SLC17A6: variants seen among roughly 807,000 people sequenced by gnomAD.
The protein encoded by SLC17A6 is solute carrier family 17 member 6.
Under a neutral mutation model 67.1 loss-of-function variants are expected in SLC17A6, and 35 were observed. The ratio of observed to expected loss-of-function variants is 0.52; its 90% confidence interval spans 0.40 to 0.69. The LOEUF (loss-of-function observed/expected upper bound fraction) is 0.69. Among genes scored for constraint, SLC17A6 ranks in the 30% least tolerant of loss-of-function variants. The pLI is 0.00. For missense variants in SLC17A6, 588 were observed against 723.9 expected (o/e 0.81, Z 2.15); for synonymous variants, 285 against 252.3 (o/e 1.13, Z -1.23).
intron 3 of SLC17A6, among the ~76,000 whole-genome samples, chr11:22,347,079 C>A (rs1186519114): frequency 1.3e-5 from 2 of 151,706 alleles, no homozygotes; most frequent in Non-Finnish European, 2.9e-5. Flanking sequence ...TTATCACCAC[C>A]TGTCATATCA....
At chr11:22,368,998 A>G (rs192364020) in intron 7 of SLC17A6, among the ~76,000 whole-genome samples, 4 of 152,022 alleles carry the variant, frequency 2.6e-5, no homozygotes, top group Non-Finnish European at 5.9e-5. Flanking sequence ...GCCACAACCA[A>G]TACTAGCAAT....
intron 1 of SLC17A6, among the ~76,000 whole-genome samples, chr11:22,339,168 A>ATATATATATGT (rs1855781315): frequency 1.7e-5 from 1 of 59,250 alleles, no homozygotes; most frequent in African/African-American, 7.2e-5. Context: ...TATATATGTT[A>ATATATATATGT]TATATATATG....
chr11:22,343,080 G>C (rs1197847061), intron 2 of SLC17A6, 167 bp from the exon 3 acceptor site: 19 of 701,492 alleles, frequency 2.7e-5, no homozygotes, highest in Admixed American at 1.2e-4. Flanking sequence ...GGGTTTTTTC[G>C]TTGCAAGAGG....
At chr11:22,356,451 T>C (rs1855994045) in intron 3 of SLC17A6, among the ~76,000 whole-genome samples, 1 of 152,218 alleles carries the variant, frequency 6.6e-6, no homozygotes, top group Non-Finnish European at 1.5e-5. Context: ...AGATGAGATT[T>C]GTAAAGTTTG....
At chr11:22,343,562 G>C (rs1020207957) in intron 3 of SLC17A6, among the ~76,000 whole-genome samples, 197 bp downstream of exon 3, 2 of 152,144 alleles carry the variant, frequency 1.3e-5, no homozygotes, top group Non-Finnish European at 2.9e-5. Flanking sequence ...ACGAATGTAG[G>C]CTCTCTGGGA....
At position 22,377,917 on chromosome 11, in the gene SLC17A6, T is replaced by C; in HGVS notation, c.*177T>C. 1 of 562,222 alleles carries C rather than the reference T, an allele frequency of 1.8e-6. No homozygotes were observed. 34.8% of individuals were successfully genotyped at this position (562,222 alleles called of 1,614,324 possible). On this transcript the variant is annotated 3_prime_UTR_variant, in exon 12 of 12. Coordinates refer to ENST00000263160, the MANE Select transcript of SLC17A6 (RefSeq NM_020346.3). ...CCATCAAGTGCAATCTGTAAAATTGTGAAGTTCCATCATTTCCATTCAAGT... is the reference window on the plus strand; with the variant it reads ...CCATCAAGTGCAATCTGTAAAATTGCGAAGTTCCATCATTTCCATTCAAGT...
chr11:22,372,648 C>T (rs1009373487), intron 8 of SLC17A6, among the ~76,000 whole-genome samples: 3 of 151,942 alleles, frequency 2.0e-5, no homozygotes, highest in African/African-American at 7.2e-5. Flanking sequence ...GGAAGACATA[C>T]GATCTAGACT....
At chr11:22,338,805 C>A (rs994961090) in intron 1 of SLC17A6, among the ~76,000 whole-genome samples, 186 bp downstream of exon 1, 1 of 132,436 alleles carries the variant, frequency 7.6e-6, no homozygotes, top group East Asian at 2.3e-4. Context: ...ACTAAATGAA[C>A]CTGTCTGGTG....
chr11:22,338,443 C>A lies in SLC17A6; in HGVS notation c.-91C>A. 1 of 937,258 alleles carries A rather than the reference C, an allele frequency of 1.1e-6. No individual in the cohort carries two copies. Among genetic ancestry groups the A allele is most frequent in the Non-Finnish European group, 1.7e-6 (1 of 590,386 alleles). The allele number at this position is 937,258 out of a possible 1,614,324, so 58.1% of individuals were successfully genotyped here. The stretch of plus-strand genomic sequence containing the variant: ...GCTGAGAAGGAAAAGCCCGCAACTA[C>A]TTTAAGAGATTAAGACAATATGCGC... On this transcript the variant is annotated 5_prime_UTR_variant, in exon 1 of 12. Coordinates refer to ENST00000263160, the MANE Select transcript of SLC17A6 (RefSeq NM_020346.3).
chr11:22,342,909 T>C, intron 2 of SLC17A6: 1 of 475,386 alleles, frequency 2.1e-6, no homozygotes, highest in Non-Finnish European at 4.2e-6. Flanking sequence ...CGTCTCCACA[T>C]CTGGCTAACA....
At chr11:22,346,372 C>T (rs1013625450) in intron 3 of SLC17A6, among the ~76,000 whole-genome samples, 3 of 152,180 alleles carry the variant, frequency 2.0e-5, no homozygotes, top group African/African-American at 7.2e-5. Context: ...ACAATGCAGA[C>T]TCCTGGTTCT....
At chr11:22,346,490 A>G (rs1045117927) in intron 3 of SLC17A6, among the ~76,000 whole-genome samples, 2 of 152,166 alleles carry the variant, frequency 1.3e-5, no homozygotes, top group Admixed American at 6.5e-5. Context: ...TGGCTCTTGC[A>G]TCACTTTTTC....
chr11:22,339,167 T>C (rs1194139372), intron 1 of SLC17A6, among the ~76,000 whole-genome samples: 1 of 59,164 alleles, frequency 1.7e-5, no homozygotes, highest in Non-Finnish European at 2.9e-5. Flanking sequence ...ATATATATGT[T>C]ATATATATAT....
At chr11:22,357,219 G>A (rs1856001366) in intron 3 of SLC17A6, among the ~76,000 whole-genome samples, 1 of 152,162 alleles carries the variant, frequency 6.6e-6, no homozygotes, top group East Asian at 1.9e-4. Context: ...TGTTTTAATG[G>A]ATATATGGTA....
intron 5 of SLC17A6, 79 bp downstream of exon 5, chr11:22,361,063 C>A: frequency 8.2e-7 from 1 of 1,220,022 alleles, no homozygotes. Context: ...ATTTGGTAAA[C>A]TCACCTGTAA....
chr11:22,344,688 A>C (rs1402936987), intron 3 of SLC17A6, among the ~76,000 whole-genome samples: 1 of 152,218 alleles, frequency 6.6e-6, no homozygotes, highest in Admixed American at 6.5e-5. Flanking sequence ...TATGTACCAC[A>C]TTTTATTTAT....
intron 1 of SLC17A6, among the ~76,000 whole-genome samples, chr11:22,340,865 T>C (rs895963252): frequency 6.6e-6 from 1 of 152,094 alleles, no homozygotes; most frequent in African/African-American, 2.4e-5. Flanking sequence ...CAGCGAGAGC[T>C]CTCAGGCCTT....
chr11:22,347,982 G>A (rs1855896941), intron 3 of SLC17A6, among the ~76,000 whole-genome samples: 1 of 152,088 alleles, frequency 6.6e-6, no homozygotes, highest in Non-Finnish European at 1.5e-5. Flanking sequence ...AAGACACTTA[G>A]GATCACACTT....
intron 3 of SLC17A6, among the ~76,000 whole-genome samples, chr11:22,345,982 G>A (rs1296807698): frequency 6.6e-5 from 10 of 152,088 alleles, no homozygotes; most frequent in Non-Finnish European, 1.3e-4. Flanking sequence ...TTTGAAAGAC[G>A]TATATTTCCT....
Sources: gnomAD v4.1 joint callset for allele counts (sites outside exome capture counted in the v4.1 genomes callset) on GRCh38, gnomAD v4.1.1 for gene constraint, MANE v1.5 for transcripts, NCBI Gene and HGNC (gene_info 2026-07-23, HGNC 2026-07-21) for gene names.